The following MRPS28 variants were observed in gnomAD, a reference collection of about 807,000 sequenced individuals.
The protein encoded by MRPS28 is small ribosomal subunit protein bS1m.
Under a neutral mutation model 10.8 loss-of-function variants are expected in MRPS28, and 7 were observed. The observed-to-expected ratio is 0.65, with a 90% confidence interval of 0.37 to 1.22. MRPS28 has a LOEUF of 1.22. Ranked by LOEUF, MRPS28 falls within the 50% of genes most tolerant of loss-of-function variation. The probability of loss-of-function intolerance (pLI) is 0.02; values close to 1 mark genes in which losing one functional copy is unlikely to be tolerated. For synonymous variants in MRPS28, 121 were observed against 93.3 expected (o/e 1.30, Z -1.71); for missense variants, 265 against 232.9 (o/e 1.14, Z -0.90).
In MRPS28 at chr8:80,029,811, C is replaced by T. The variant is rs945845432; in HGVS notation, c.213+225G>A. On this transcript the variant is annotated intron_variant, in intron 1 of 2. Transcript: ENST00000276585. ...AAAACAAGCGCAGTGTGGACAGACC[C>T]GGCCCAGTACGCAAATGCCACACAA... The T allele has an allele frequency of 7.2e-6, 11 of 1,528,288 alleles. No homozygotes were observed. In the Middle Eastern group the frequency reaches 5.0e-4, roughly 70 times the overall value. The allele number at this position is 1,528,288 out of a possible 1,614,324, so 94.7% of individuals were successfully genotyped here.
intron 1 of MRPS28, among the ~76,000 whole-genome samples, chr8:80,019,936 G>T (rs1392056863): frequency 6.6e-6 from 1 of 152,196 alleles, no homozygotes; most frequent in Non-Finnish European, 1.5e-5. Context: ...GCCTAAGGAG[G>T]TCCTGAGACA....
chr8:80,011,000 T>A (rs1163499447), intron 1 of MRPS28, among the ~76,000 whole-genome samples: 1 of 152,242 alleles, frequency 6.6e-6, no homozygotes, highest in African/African-American at 2.4e-5. Context: ...ACAAGCACTT[T>A]GAAAATAGTT....
chr8:79,981,649 G>A lies in MRPS28; in HGVS notation c.395+21350C>T, dbSNP rs552082520. On this transcript the variant is annotated intron_variant, in intron 2 of 2. Transcript: ENST00000276585. ...AAATGCTGAGTCTGAAAATATGTAC[G>A]TTTACAGCAATATATTTTGGAAGCC... Among the ~76,000 whole-genome samples the A allele has an allele frequency of 5.1e-4, 78 of 152,264 alleles. 1 individual carries two copies. In the South Asian group the frequency reaches 0.015, roughly 30 times the overall value.
chr8:79,996,721 A>G (rs149860130), intron 2 of MRPS28, among the ~76,000 whole-genome samples: 28 of 152,340 alleles, frequency 1.8e-4, no homozygotes, highest in East Asian at 7.7e-4. Flanking sequence ...CAGACTACCT[A>G]TGATTTTTTA....
chr8:79,982,621 C>A (rs773980757), intron 2 of MRPS28, among the ~76,000 whole-genome samples: 3 of 152,208 alleles, frequency 2.0e-5, no homozygotes, highest in Non-Finnish European at 2.9e-5. Flanking sequence ...TATCCTGCAC[C>A]TGGCTCGGAG....
At chr8:79,999,831 G>A (rs564805500) in intron 2 of MRPS28, among the ~76,000 whole-genome samples, 2 of 152,098 alleles carry the variant, frequency 1.3e-5, no homozygotes, top group South Asian at 2.1e-4. Context: ...AAGAGAGAGA[G>A]CTTCAGAGAT....
intron 2 of MRPS28, among the ~76,000 whole-genome samples, chr8:79,984,279 A>G (rs1000814846): frequency 2.6e-5 from 4 of 152,246 alleles, no homozygotes; most frequent in Admixed American, 1.3e-4. Context: ...AGGAAGCACT[A>G]AACATGGAAA....
At chr8:80,006,648 C>T (rs535888600) in intron 1 of MRPS28, among the ~76,000 whole-genome samples, 104 of 147,322 alleles carry the variant, frequency 7.1e-4, no homozygotes, top group African/African-American at 2.2e-3. Context: ...AACACCTCTA[C>T]GCAAATAAAC....
intron 2 of MRPS28, among the ~76,000 whole-genome samples, chr8:79,927,385 A>G (rs1810256837): frequency 6.6e-6 from 1 of 152,178 alleles, no homozygotes. Flanking sequence ...CCTCATCCCT[A>G]AAATGTCCTT....
At chr8:79,929,585 T>C (rs1314238381) in intron 2 of MRPS28, among the ~76,000 whole-genome samples, 2 of 152,154 alleles carry the variant, frequency 1.3e-5, no homozygotes. Context: ...ACGGTACTTA[T>C]TTTATGTGAC....
chr8:79,976,925 C>T (rs1437993894), intron 2 of MRPS28, among the ~76,000 whole-genome samples: 1 of 152,158 alleles, frequency 6.6e-6, no homozygotes, highest in Non-Finnish European at 1.5e-5. Context: ...TCCACTTAAT[C>T]TTTCCTCAGG....
chr8:79,994,415 AAC>A (rs1160288349), intron 2 of MRPS28, among the ~76,000 whole-genome samples: 1 of 152,098 alleles, frequency 6.6e-6, no homozygotes, highest in African/African-American at 2.4e-5. Flanking sequence ...TAATATCAAT[AAC>A]ACACTCCCCT....
At chr8:79,995,440 C>G in intron 2 of MRPS28, among the ~76,000 whole-genome samples, 1 of 152,162 alleles carries the variant, frequency 6.6e-6, no homozygotes, top group East Asian at 1.9e-4. Context: ...CCATCTCAAG[C>G]AGGATTTCGG....
At chr8:79,972,672 T>C (rs928359720) in intron 2 of MRPS28, among the ~76,000 whole-genome samples, 4 of 152,160 alleles carry the variant, frequency 2.6e-5, no homozygotes, top group South Asian at 2.1e-4. Context: ...TGTTAACAGG[T>C]AACTGAAGAA....
At position 80,029,677 on chromosome 8, in the gene MRPS28, T is replaced by C. The variant is rs886574061; in HGVS notation, c.213+359A>G. Reference sequence around the variant, plus strand: ...TTCAGAACAAGACCCAGCAGAGCCCTGCCTCTCCGTGTGAGTCCCATTCTC... The same window carrying C: ...TTCAGAACAAGACCCAGCAGAGCCCCGCCTCTCCGTGTGAGTCCCATTCTC... On this transcript the variant is annotated intron_variant, in intron 1 of 2. Coordinates refer to ENST00000276585, the MANE Select transcript of MRPS28 (RefSeq NM_014018.3). 42 of 1,296,772 alleles carry C rather than the reference T, an allele frequency of 3.2e-5. No homozygotes were observed. The African/African-American group carries it at 5.5e-4, about 17-fold the overall frequency. The allele number at this position is 1,296,772 out of a possible 1,614,324, so 80.3% of individuals were successfully genotyped here. A position where few individuals can be genotyped will look rare whatever the true frequency, so the allele number is the denominator to read the frequency against.
chr8:80,000,145 G>A (rs1808622382), intron 2 of MRPS28, among the ~76,000 whole-genome samples: 2 of 152,184 alleles, frequency 1.3e-5, no homozygotes, highest in Admixed American at 6.5e-5. Flanking sequence ...AAGAGGTCTA[G>A]TAAGTATTTG....
chr8:79,986,310 T>C lies in MRPS28; in HGVS notation c.395+16689A>G, dbSNP rs199775105. ...AGAGCTATCTATGAAAAACCCACAG[T>C]CAATATCATACTGAATGGGCAAAAA... On this transcript the variant is annotated intron_variant, in intron 2 of 2. Transcript: ENST00000276585. Among the ~76,000 whole-genome samples, 761 of 152,336 alleles carry C rather than the reference T, an allele frequency of 5.0e-3. 2 individuals carry two copies. Among genetic ancestry groups the C allele is most frequent in the Admixed American group, 8.6e-3 (131 of 15,308 alleles).
rs565441288 is a variant in MRPS28 at position 79,929,147 on chromosome 8, T to C, written c.396-9999A>G. ...CTGCAGCCTAGAAAATTCTGTTAAA[T>C]TAAAAATAAAAATCAACTACATAAG... On this transcript the variant is annotated intron_variant, in intron 2 of 2. Coordinates refer to ENST00000276585, the MANE Select transcript of MRPS28 (RefSeq NM_014018.3). 2.6e-5 allele frequency among the ~76,000 whole-genome samples: 4 copies of C among 152,268 alleles called. No homozygotes were observed. The East Asian group carries it at 7.7e-4, about 29-fold the overall frequency.
intron 2 of MRPS28, among the ~76,000 whole-genome samples, chr8:79,927,339 G>A (rs1301036359): frequency 6.6e-6 from 1 of 152,142 alleles, no homozygotes; most frequent in African/African-American, 2.4e-5. Context: ...GTTTTGGCTT[G>A]ACAACTGCTT....
Sources: allele counts gnomAD v4.1 joint callset (sites outside exome capture counted in the v4.1 genomes callset), GRCh38; gene constraint gnomAD v4.1.1; transcripts MANE v1.5; gene names NCBI Gene and HGNC (gene_info 2026-07-23, HGNC 2026-07-21).